The following DLC1 variants were observed in gnomAD, a reference collection of about 807,000 sequenced individuals.
DLC1 encodes DLC1 Rho GTPase activating protein, also known as rho GTPase-activating protein 7.
A neutral mutation model predicts 140.3 loss-of-function variants in DLC1; 54 were observed. The observed-to-expected ratio is 0.38, with a 90% CI of 0.31 to 0.48. The LOEUF is 0.48. Ranked by LOEUF, DLC1 falls within the 20% of genes least tolerant of loss-of-function variation. DLC1 has a pLI of 0.96. For missense variants in DLC1, 2,536 were observed against 1,907.0 expected (o/e 1.33, Z -6.14); for synonymous variants, 986 against 728.1 (o/e 1.35, Z -5.70).
chr8:13,412,460 T>G (rs1837822063), intron 2 of DLC1, among the ~76,000 whole-genome samples: 1 of 152,130 alleles, frequency 6.6e-6, no homozygotes, highest in African/African-American at 2.4e-5. Context: ...CTGTCTTCGT[T>G]GTGGCATTTT....
chr8:13,539,169 C>T (rs915998603), intron 1 of DLC1, among the ~76,000 whole-genome samples: 2 of 134,956 alleles, frequency 1.5e-5, no homozygotes, highest in South Asian at 2.4e-4. Context: ...AGTAGATCTG[C>T]AAATTGTATG....
chr8:13,373,314 T>C (rs1835812284), intron 4 of DLC1, among the ~76,000 whole-genome samples: 1 of 152,220 alleles, frequency 6.6e-6, no homozygotes, highest in East Asian at 1.9e-4. Context: ...TCCCTGATGA[T>C]AAAAGCCTTC....
chr8:13,184,284 T>A (rs1363703479), intron 5 of DLC1, among the ~76,000 whole-genome samples: 1 of 152,088 alleles, frequency 6.6e-6, no homozygotes, highest in Admixed American at 6.5e-5. Context: ...ATTCATTGAT[T>A]TTTTGAAGGG....
At chr8:13,359,513 G>C (rs1290977947) in intron 4 of DLC1, among the ~76,000 whole-genome samples, 1 of 152,024 alleles carries the variant, frequency 6.6e-6, no homozygotes, top group African/African-American at 2.4e-5. Flanking sequence ...GGAAGAGGTG[G>C]GGTTTACTTT....
intron 1 of DLC1, among the ~76,000 whole-genome samples, chr8:13,506,591 A>G (rs150337625): frequency 0.77 from 102,043 of 131,772 alleles, 40,544 homozygotes; most frequent in Non-Finnish European, 0.87. Flanking sequence ...GTATATATAT[A>G]TATATATATA....
intron 5 of DLC1, among the ~76,000 whole-genome samples, chr8:13,152,222 C>T (rs116267037): frequency 0.014 from 2,204 of 152,208 alleles, 60 homozygotes; most frequent in African/African-American, 0.048. Context: ...TTCCAAAGTC[C>T]GTAAGAAGTG....
intron 1 of DLC1, among the ~76,000 whole-genome samples, chr8:13,564,497 C>T (rs993140519): frequency 2.0e-5 from 3 of 152,148 alleles, no homozygotes; most frequent in Non-Finnish European, 4.4e-5. Context: ...TCATCGTAGT[C>T]TCTCTTATAC....
chr8:13,363,272 C>T (rs552063068), intron 4 of DLC1, among the ~76,000 whole-genome samples: 1 of 151,948 alleles, frequency 6.6e-6, no homozygotes, highest in Non-Finnish European at 1.5e-5. Flanking sequence ...AGGGCAGAGT[C>T]ATTGCTTTCT....
chr8:13,498,088 T>C (rs1236109949), intron 2 of DLC1, among the ~76,000 whole-genome samples: 2 of 152,136 alleles, frequency 1.3e-5, no homozygotes, highest in Non-Finnish European at 2.9e-5. Context: ...GAATTGCAGT[T>C]ATGGATGAAT....
intron 5 of DLC1, among the ~76,000 whole-genome samples, chr8:13,242,789 A>G (rs891181271): frequency 2.8e-4 from 42 of 152,286 alleles, no homozygotes; most frequent in African/African-American, 9.9e-4. Context: ...AGGAATTGAA[A>G]TCAACTATGA....
At chr8:13,507,974 C>T (rs1039032623) in intron 1 of DLC1, among the ~76,000 whole-genome samples, 5 of 152,108 alleles carry the variant, frequency 3.3e-5, no homozygotes, top group Non-Finnish European at 7.4e-5. Flanking sequence ...AGTTTTTACT[C>T]AACTTAAAAC....
chr8:13,528,369 A>C (rs1016647028), intron 1 of DLC1, among the ~76,000 whole-genome samples: 10 of 152,188 alleles, frequency 6.6e-5, no homozygotes, highest in African/African-American at 2.4e-4. Flanking sequence ...AACATTTTGT[A>C]AATTTACATA....
At position 13,355,933 on chromosome 8, in the gene DLC1, C is replaced by G. The variant is rs182364408; in HGVS notation, c.1314+37620G>C. On this transcript the variant is annotated intron_variant, in intron 4 of 17. Coordinates refer to ENST00000276297, the MANE Select transcript of DLC1 (RefSeq NM_182643.3). ...CCCCGTCTCTACTAAAAAAAAAATT[C>G]AAAAAAATTAGCCAGGCATAGTGGC... 5.3e-4 allele frequency among the ~76,000 whole-genome samples: 79 copies of G among 150,398 alleles called. 1 individual carries two copies. Among genetic ancestry groups the G allele is most frequent in the Middle Eastern group, 6.8e-3 (2 of 294 alleles).
At chr8:13,453,366 T>C (rs1327306567) in intron 2 of DLC1, among the ~76,000 whole-genome samples, 6 of 112,970 alleles carry the variant, frequency 5.3e-5, no homozygotes, top group African/African-American at 1.9e-4. Context: ...AGATGTTTAC[T>C]AAAAGAATAA....
intron 5 of DLC1, among the ~76,000 whole-genome samples, chr8:13,172,866 G>T (rs987892922): frequency 6.6e-6 from 1 of 152,156 alleles, no homozygotes; most frequent in Non-Finnish European, 1.5e-5. Flanking sequence ...CTCATCCCGA[G>T]TTCCTTTTCT....
At chr8:13,363,477 A>G (rs953051143) in intron 4 of DLC1, among the ~76,000 whole-genome samples, 2 of 151,980 alleles carry the variant, frequency 1.3e-5, no homozygotes, top group African/African-American at 2.4e-5. Flanking sequence ...GTCTCAGGTC[A>G]TAAAGCTGGT....
In DLC1 at chr8:13,148,272, C is replaced by A. The variant is rs7821028; in HGVS notation, c.1349-32615G>T. On this transcript the variant is annotated intron_variant, in intron 5 of 17. Transcript: ENST00000276297. ...TACCCAATAGTGATCTTTTCTGCTC[C>A]TCTCCCTCCTCCTACCTCCACCCTC... is the stretch of plus-strand genomic sequence containing the variant. Among the ~76,000 whole-genome samples the A allele has an allele frequency of 4.7e-3, 717 of 151,984 alleles. 9 individuals carry two copies. The highest frequency in any genetic ancestry group is 0.022 in the South Asian group (107 of 4,820).
chr8:13,175,169 T>G (rs542536855), intron 5 of DLC1, among the ~76,000 whole-genome samples: 8 of 152,250 alleles, frequency 5.3e-5, no homozygotes, highest in Admixed American at 3.3e-4. Flanking sequence ...TCAGATGGTG[T>G]GGGTATGCAG....
chr8:13,524,786 A>T (rs375533503), intron 1 of DLC1, among the ~76,000 whole-genome samples: 1 of 150,876 alleles, frequency 6.6e-6, no homozygotes, highest in East Asian at 2.0e-4. Context: ...TTTCTTCCAG[A>T]CTTCAGTTGC....
Sources: allele counts gnomAD v4.1 joint callset (sites outside exome capture counted in the v4.1 genomes callset), GRCh38; gene constraint gnomAD v4.1.1; transcripts MANE v1.5; gene names NCBI Gene and HGNC (gene_info 2026-07-23, HGNC 2026-07-21).